The following PTPN11 variants were observed in gnomAD, a reference collection of about 807,000 sequenced individuals.
PTPN11 encodes protein tyrosine phosphatase non-receptor type 11.
Under a neutral mutation model 78.8 loss-of-function variants are expected in PTPN11, and 6 were observed. The observed-to-expected ratio is 0.08, with a 90% CI of 0.04 to 0.15. The LOEUF (loss-of-function observed/expected upper bound fraction) is 0.15. PTPN11 is among the 10% of genes least tolerant of loss of function. The pLI is 1.00. For missense variants in PTPN11, 386 were observed against 744.8 expected (o/e 0.52, Z 5.61); for synonymous variants, 221 against 263.5 (o/e 0.84, Z 1.56).
chr12:112,487,581 G>A (rs1566186158), intron 11 of PTPN11, among the ~76,000 whole-genome samples: 1 of 152,144 alleles, frequency 6.6e-6, no homozygotes, highest in Non-Finnish European at 1.5e-5. Flanking sequence ...TGATTCTCCA[G>A]TTTGGGCTTC....
chr12:112,446,182 A>G (rs1225104623), intron 1 of PTPN11, 94 bp from the exon 2 acceptor site: 13 of 1,521,200 alleles, frequency 8.5e-6, no homozygotes, highest in Admixed American at 1.7e-5. Context: ...AAAATTTTCT[A>G]CTCTGCTCAT....
At chr12:112,441,369 C>T (rs1438312123) in intron 1 of PTPN11, among the ~76,000 whole-genome samples, 1 of 152,084 alleles carries the variant, frequency 6.6e-6, no homozygotes, top group Non-Finnish European at 1.5e-5. Flanking sequence ...TCAAGCAATC[C>T]TCCCACCTTA....
chr12:112,459,311 A>G (rs2038211538), intron 6 of PTPN11, among the ~76,000 whole-genome samples: 1 of 152,166 alleles, frequency 6.6e-6, no homozygotes, highest in Admixed American at 6.6e-5. Context: ...AAAAGTAGAG[A>G]GAATGGGATA....
In PTPN11 at chr12:112,498,326, C is replaced by T. The variant is rs144447867; in HGVS notation, c.1600-3818C>T. The stretch of plus-strand genomic sequence containing the variant: ...GGCAGGACTGACAGTGAGCACAGAG[C>T]GAAGTAAAACCAGCAAAATTTCATG... On this transcript the variant is annotated intron_variant, in intron 13 of 15. Coordinates refer to ENST00000351677, the MANE Select transcript of PTPN11 (RefSeq NM_002834.5). Among the ~76,000 whole-genome samples, 36 of 151,986 alleles carry T rather than the reference C, an allele frequency of 2.4e-4. 1 individual carries two copies. In the East Asian group the frequency reaches 6.8e-3, roughly 29 times the overall value.
chr12:112,503,220 A>C (rs2038897875), intron 14 of PTPN11, among the ~76,000 whole-genome samples: 2 of 152,254 alleles, frequency 1.3e-5, no homozygotes, highest in African/African-American at 4.8e-5. Flanking sequence ...CTGACTCTCA[A>C]GCCCTTCCCA....
At chr12:112,442,679 T>TG (rs2037912563) in intron 1 of PTPN11, among the ~76,000 whole-genome samples, 1 of 150,236 alleles carries the variant, frequency 6.7e-6, no homozygotes, top group Non-Finnish European at 1.5e-5. Context: ...CTCGAACTCC[T>TG]GACCTCAGGT....
intron 6 of PTPN11, among the ~76,000 whole-genome samples, chr12:112,462,863 G>T (rs1220419516): frequency 3.9e-5 from 6 of 152,092 alleles, no homozygotes; most frequent in Admixed American, 3.9e-4. Flanking sequence ...ATCACAGAGA[G>T]GATTACAGTG....
Position 112,490,238 on chromosome 12 carries a change from G to A in PTPN11, c.1599+1063G>A, listed in dbSNP as rs191384190. Among the ~76,000 whole-genome samples, 5 of 151,872 alleles carry A rather than the reference G, an allele frequency of 3.3e-5. No homozygotes were observed. In the East Asian group the frequency reaches 9.7e-4, roughly 29 times the overall value. On this transcript the variant is annotated intron_variant, in intron 13 of 15. Transcript: ENST00000351677. ...AGGCAAAAAGTTGCCCAAAGAGAAG[G>A]ATCTCCTAGTAAATACAAAGAGAAT...
At chr12:112,491,862 A>G (rs540772493) in intron 13 of PTPN11, among the ~76,000 whole-genome samples, 24 of 152,214 alleles carry the variant, frequency 1.6e-4, no homozygotes, top group African/African-American at 5.8e-4. Context: ...GTGCACCACC[A>G]TGCCTGGCTA....
At chr12:112,480,079 T>G (rs991563082) in intron 9 of PTPN11, among the ~76,000 whole-genome samples, 2 of 152,222 alleles carry the variant, frequency 1.3e-5, no homozygotes, top group African/African-American at 4.8e-5. Flanking sequence ...TTGCCAAGGT[T>G]TCCACGGGAG....
chr12:112,418,954 G>A lies in PTPN11; in HGVS notation c.-158G>A. ...GCCGGGGGGCAGCTGCACAGTCTCC[G>A]GGATCCCCAGGCCTGGAGGGGGGTC... is the stretch of plus-strand genomic sequence containing the variant. On this transcript the variant is annotated 5_prime_UTR_variant, in exon 1 of 16. Coordinates refer to ENST00000351677, the MANE Select transcript of PTPN11 (RefSeq NM_002834.5). The A allele has an allele frequency of 1.2e-6, 1 of 864,946 alleles. No homozygotes were observed. The highest frequency in any genetic ancestry group is 1.8e-6 in the Non-Finnish European group (1 of 553,204). 53.6% of individuals were successfully genotyped at this position (864,946 alleles called of 1,614,324 possible).
chr12:112,479,751 G>T (rs2038565112), intron 9 of PTPN11, among the ~76,000 whole-genome samples: 1 of 152,156 alleles, frequency 6.6e-6, no homozygotes, highest in South Asian at 2.1e-4. Context: ...GAAGAGAGGG[G>T]TCTTGTGTTG....
intron 3 of PTPN11, among the ~76,000 whole-genome samples, chr12:112,452,255 T>C (rs956735879): frequency 1.3e-5 from 2 of 149,378 alleles, no homozygotes; most frequent in Admixed American, 1.3e-4. Context: ...TGAGATGGAG[T>C]TTCGCTCGTC....
chr12:112,486,997 G>A (rs2038687794), intron 11 of PTPN11: 2 of 1,049,584 alleles, frequency 1.9e-6, no homozygotes, highest in Non-Finnish European at 1.2e-6. Context: ...TTGAGGTGGT[G>A]GGGGTGTGGT....
intron 9 of PTPN11, among the ~76,000 whole-genome samples, chr12:112,478,633 ATTGTATT>A (rs1444894211): frequency 1.3e-5 from 2 of 152,140 alleles, no homozygotes; most frequent in African/African-American, 4.8e-5. Context: ...CATCACAGAC[ATTGTATT>A]TTTCATCTCT....
intron 1 of PTPN11, among the ~76,000 whole-genome samples, chr12:112,429,618 A>T (rs1487085965): frequency 1.3e-5 from 2 of 151,552 alleles, no homozygotes; most frequent in African/African-American, 4.8e-5. Flanking sequence ...CCTGGCCAAC[A>T]TGGTGAAACC....
At chr12:112,452,222 A>G (rs2038088544) in intron 3 of PTPN11, among the ~76,000 whole-genome samples, 1 of 148,576 alleles carries the variant, frequency 6.7e-6, no homozygotes, top group African/African-American at 2.5e-5. Flanking sequence ...CTTTATTTTT[A>G]CAAATTATTT....
At chr12:112,488,587 G>A in intron 12 of PTPN11, 77 bp downstream of exon 12, 1 of 1,409,358 alleles carries the variant, frequency 7.1e-7, no homozygotes, top group South Asian at 1.2e-5. Context: ...AAAACAGTCT[G>A]GGGAAGAGAG....
At chr12:112,422,957 C>T (rs1044181659) in intron 1 of PTPN11, among the ~76,000 whole-genome samples, 1 of 152,194 alleles carries the variant, frequency 6.6e-6, no homozygotes, top group African/African-American at 2.4e-5. Flanking sequence ...CTCTGGGAAA[C>T]ACAGACAGTA....
Sources: gnomAD v4.1 joint callset for allele counts (sites outside exome capture counted in the v4.1 genomes callset) on GRCh38, gnomAD v4.1.1 for gene constraint, MANE v1.5 for transcripts, NCBI Gene and HGNC (gene_info 2026-07-23, HGNC 2026-07-21) for gene names.